Variants in CAMTA1 observed in about 807,000 individuals in gnomAD.
CAMTA1 encodes the protein calmodulin-binding transcription activator 1.
A neutral mutation model predicts 170.9 loss-of-function variants in CAMTA1; 27 were observed. The observed-to-expected ratio is 0.16, with a 90% CI of 0.12 to 0.22. The LOEUF (loss-of-function observed/expected upper bound fraction) is 0.22, where lower values mean the gene tolerates loss of function less well. Ranked by LOEUF, CAMTA1 falls within the 10% of genes least tolerant of loss-of-function variation. CAMTA1 has a pLI of 1.00. For synonymous variants in CAMTA1, 833 were observed against 891.5 expected (o/e 0.93, Z 1.17); for missense variants, 1,619 against 2,217.2 (o/e 0.73, Z 5.42).
At chr1:7,119,994 C>G (rs1057043142) in intron 4 of CAMTA1, among the ~76,000 whole-genome samples, 1 of 152,122 alleles carries the variant, frequency 6.6e-6, no homozygotes, top group Non-Finnish European at 1.5e-5. Context: ...CACATTTAAT[C>G]CTTACAACCA....
At chr1:7,239,989 T>C (rs1157252345) in intron 4 of CAMTA1, among the ~76,000 whole-genome samples, 2 of 152,288 alleles carry the variant, frequency 1.3e-5, no homozygotes, top group East Asian at 3.9e-4. Context: ...CATGACCTAA[T>C]CACCTCTTAT....
At chr1:7,175,922 T>C (rs1166440704) in intron 4 of CAMTA1, among the ~76,000 whole-genome samples, 1 of 152,226 alleles carries the variant, frequency 6.6e-6, no homozygotes, top group East Asian at 1.9e-4. Flanking sequence ...TCATGGTCAT[T>C]GATCTTGTCG....
chr1:7,451,766 C>G (rs2092830177), intron 5 of CAMTA1, among the ~76,000 whole-genome samples: 1 of 152,180 alleles, frequency 6.6e-6, no homozygotes. Flanking sequence ...CCAGAGGGTT[C>G]TCACCCAACC....
At chr1:7,643,902 C>T (rs1228909092) in intron 7 of CAMTA1, among the ~76,000 whole-genome samples, 6 of 151,430 alleles carry the variant, frequency 4.0e-5, no homozygotes, top group African/African-American at 7.4e-5. Context: ...TGTGTGTGTC[C>T]GGGGACAGCA....
rs149977551 is a variant in CAMTA1 at position 6,825,434 on chromosome 1, C to T, written c.234+224C>T. On this transcript the variant is annotated intron_variant, in intron 3 of 22. Coordinates refer to ENST00000303635, the MANE Select transcript of CAMTA1 (RefSeq NM_015215.4). ...GAAAGATACACAATGTGCACGTTGA[C>T]TTAACTAAAGTAGCATGAGTTTCTG... Among the ~76,000 whole-genome samples, 283 of 152,270 alleles carry T rather than the reference C, an allele frequency of 1.9e-3. 2 individuals are homozygous for T. Among genetic ancestry groups the T allele is most frequent in the African/African-American group, 6.4e-3 (268 of 41,552 alleles).
intron 3 of CAMTA1, among the ~76,000 whole-genome samples, chr1:6,842,000 G>A (rs1438347605): frequency 6.6e-6 from 1 of 152,100 alleles, no homozygotes; most frequent in Non-Finnish European, 1.5e-5. Context: ...TGGGGAGCCT[G>A]GATCAGCCAT....
intron 4 of CAMTA1, among the ~76,000 whole-genome samples, chr1:7,192,453 A>G (rs1045953290): frequency 1.5e-4 from 23 of 152,254 alleles, no homozygotes; most frequent in African/African-American, 5.5e-4. Context: ...CTGAGGCCGG[A>G]TAGCCCAGTG....
intron 5 of CAMTA1, among the ~76,000 whole-genome samples, chr1:7,328,300 C>T (rs2082816412): frequency 6.6e-6 from 1 of 152,018 alleles, no homozygotes; most frequent in Non-Finnish European, 1.5e-5. Context: ...TGAGACCAGC[C>T]TGGGAAACAT....
In CAMTA1 at chr1:7,299,061, C is replaced by G. The variant is rs560671739; in HGVS notation, c.438+49435C>G. On this transcript the variant is annotated intron_variant, in intron 5 of 22. Coordinates refer to ENST00000303635, the MANE Select transcript of CAMTA1 (RefSeq NM_015215.4). The surrounding 1 kb of genome is among the most constrained non-coding windows in gnomAD (Gnocchi z 4.7). ...TGCATCTTGCCTCTCCACTGACTTG[C>G]TGTGTGACCTTAAGCAAGTACCTTC... 6.6e-6 allele frequency among the ~76,000 whole-genome samples: 1 copy of G among 152,328 alleles called. No homozygotes were observed. Among genetic ancestry groups the G allele is most frequent in the South Asian group, 2.1e-4 (1 of 4,830 alleles).
At chr1:6,846,057 G>A (rs1018534854) in intron 3 of CAMTA1, among the ~76,000 whole-genome samples, 1 of 152,170 alleles carries the variant, frequency 6.6e-6, no homozygotes, top group African/African-American at 2.4e-5. Flanking sequence ...ACTACCATGA[G>A]AACAATATGG....
At chr1:7,308,337 A>T (rs1331110227) in intron 5 of CAMTA1, among the ~76,000 whole-genome samples, 1 of 150,710 alleles carries the variant, frequency 6.6e-6, no homozygotes, top group Non-Finnish European at 1.5e-5. Flanking sequence ...TATTTTTTTC[A>T]TTTTCAATTC....
At chr1:7,764,690 A>C (rs1002104424) in intron 22 of CAMTA1, among the ~76,000 whole-genome samples, 7 of 152,222 alleles carry the variant, frequency 4.6e-5, no homozygotes, top group Non-Finnish European at 7.4e-5. Context: ...TGGGCCTGGT[A>C]GGCTCATGCC....
At position 6,887,868 on chromosome 1, in the gene CAMTA1, G is replaced by A; in HGVS notation, c.234+62658G>A. 7.0e-7 allele frequency: 1 copy of A among 1,425,788 alleles called. No homozygotes were observed. The highest frequency in any genetic ancestry group is 9.2e-7 in the Non-Finnish European group (1 of 1,092,102). The allele number at this position is 1,425,788 out of a possible 1,614,324, so 88.3% of individuals were successfully genotyped here. A position where few individuals can be genotyped will look rare whatever the true frequency, so the allele number is the denominator to read the frequency against. On this transcript the variant is annotated intron_variant, in intron 3 of 22. Transcript: ENST00000303635. The surrounding 1 kb of genome is among the most constrained non-coding windows in gnomAD (Gnocchi z 4.1). ...ATTTGAACCGAATGTTACTAAAAAT[G>A]AAATAGAATAAAGTGACCTACTCTT... is the stretch of plus-strand genomic sequence containing the variant.
At chr1:6,809,387 T>C (rs1644912986) in intron 1 of CAMTA1, among the ~76,000 whole-genome samples, 1 of 152,042 alleles carries the variant, frequency 6.6e-6, no homozygotes, top group Non-Finnish European at 1.5e-5. Context: ...CAGCGTGACA[T>C]TGGAGATGTG....
intron 5 of CAMTA1, among the ~76,000 whole-genome samples, chr1:7,284,177 C>CTTCTTCTTCTTCTTATTATTA (rs1333698169): frequency 1.0e-5 from 1 of 99,308 alleles, no homozygotes; most frequent in Non-Finnish European, 2.0e-5. Context: ...TCTTCTTCTT[C>CTTCTTCTTCTTCTTATTATTA]TTATTATTAT....
intron 5 of CAMTA1, among the ~76,000 whole-genome samples, chr1:7,342,775 A>G (rs1401529718): frequency 1.3e-5 from 2 of 152,194 alleles, no homozygotes; most frequent in Non-Finnish European, 2.9e-5. Flanking sequence ...GTAGCTGAAG[A>G]TGGAGCCATC....
In CAMTA1 at chr1:7,123,460, C is replaced by G. The variant is rs1483255111; in HGVS notation, c.302+32089C>G. ...CATTCACAGGTACTGGGGTGGGACT[C>G]TAACATATTTGGGGACACCATTCAT... is the stretch of plus-strand genomic sequence containing the variant. On this transcript the variant is annotated intron_variant, in intron 4 of 22. Coordinates refer to ENST00000303635, the MANE Select transcript of CAMTA1 (RefSeq NM_015215.4). Among the ~76,000 whole-genome samples, 3 of 152,126 alleles carry G rather than the reference C, an allele frequency of 2.0e-5. No homozygotes were observed. In the South Asian group the frequency reaches 6.2e-4, roughly 32 times the overall value.
At chr1:7,376,391 C>T (rs531253038) in intron 5 of CAMTA1, among the ~76,000 whole-genome samples, 1 of 152,308 alleles carries the variant, frequency 6.6e-6, no homozygotes, top group South Asian at 2.1e-4. Flanking sequence ...CTCCAGGGGG[C>T]TCGCGAGGAG....
intron 5 of CAMTA1, among the ~76,000 whole-genome samples, chr1:7,349,628 C>A (rs2149873990): frequency 6.6e-6 from 1 of 152,334 alleles, no homozygotes; most frequent in East Asian, 1.9e-4. Flanking sequence ...GTCCTTGGTT[C>A]TCTCAGGGTC....
Sources: allele counts gnomAD v4.1 joint callset (sites outside exome capture counted in the v4.1 genomes callset), GRCh38; gene constraint gnomAD v4.1.1; non-coding constraint Gnocchi (gnomAD v3.1); transcripts MANE v1.5; gene names NCBI Gene and HGNC (gene_info 2026-07-23, HGNC 2026-07-21).